Variants in MNS1 observed in about 807,000 individuals in gnomAD.
MNS1 encodes meiosis specific nuclear structural 1.
Under a neutral mutation model 72.0 loss-of-function variants are expected in MNS1, and 63 were observed. The ratio of observed to expected loss-of-function variants is 0.87; its 90% CI spans 0.71 to 1.08. The LOEUF is 1.08. MNS1 is among the 50% of genes least tolerant of loss of function. The pLI, the probability that MNS1 is intolerant of heterozygous loss-of-function variation, is 0.00. For synonymous variants in MNS1, 188 were observed against 172.1 expected (o/e 1.09, Z -0.72); for missense variants, 604 against 562.4 (o/e 1.07, Z -0.75).
intron 7 of MNS1, 67 bp downstream of exon 7, chr15:56,443,362 CT>C (rs2050851287): frequency 8.4e-7 from 1 of 1,189,554 alleles, no homozygotes; most frequent in African/African-American, 1.5e-5. Context: ...TGTACTATCT[CT>C]TTTCTGCTTC....
chr15:56,443,687 A>C lies in MNS1; in HGVS notation c.854T>G (p.Met285Arg), dbSNP rs748769747. 1 of 1,613,378 alleles carries C rather than the reference A, an allele frequency of 6.2e-7. No homozygotes were observed. The highest frequency in any genetic ancestry group is 1.1e-5 in the South Asian group (1 of 90,960). ...CTCCTCATTTTCTTGAACTTTTGCCATCCGATCTTCTTCTCTTTGCTGCTG... is the reference window on the plus strand; with the variant it reads ...CTCCTCATTTTCTTGAACTTTTGCCCTCCGATCTTCTTCTCTTTGCTGCTG... The part of the protein sequence containing the change: ...NMQQQREEDR[M>R]AKVQENEEKR... Residue 285 changes from methionine (M) to arginine (R), a missense_variant, in exon 6 of 10, where the codon ATG becomes AGG. By Grantham distance (91) the Met-to-Arg change is moderately conservative. Transcript: ENST00000260453.
At chr15:56,458,965 G>C (rs1388514485) in intron 2 of MNS1, among the ~76,000 whole-genome samples, 2 of 152,164 alleles carry the variant, frequency 1.3e-5, no homozygotes, top group Non-Finnish European at 2.9e-5. Flanking sequence ...TTTTATAAAT[G>C]CTATAGATAT....
chr15:56,463,180 C>A (rs566625746), intron 2 of MNS1, among the ~76,000 whole-genome samples: 1 of 152,202 alleles, frequency 6.6e-6, no homozygotes, highest in Admixed American at 6.5e-5. Context: ...CCACCTTAAT[C>A]CCTTAAAATG....
At chr15:56,439,795 A>G (rs2050788543) in intron 7 of MNS1, among the ~76,000 whole-genome samples, 1 of 151,532 alleles carries the variant, frequency 6.6e-6, no homozygotes, top group Admixed American at 6.6e-5. Flanking sequence ...CACACACACA[A>G]ACCTTTAGGA....
At chr15:56,440,885 T>G (rs1337187900) in intron 7 of MNS1, among the ~76,000 whole-genome samples, 2 of 152,142 alleles carry the variant, frequency 1.3e-5, no homozygotes, top group African/African-American at 4.8e-5. Context: ...CATTAGACAT[T>G]TGGGTTATTT....
chr15:56,434,460 G>C, intron 7 of MNS1, 65 bp from the exon 8 acceptor site: 1 of 1,478,704 alleles, frequency 6.8e-7, no homozygotes, highest in Non-Finnish European at 9.1e-7. Context: ...TAAGGAAAGA[G>C]TGATAGAGTT....
intron 7 of MNS1, among the ~76,000 whole-genome samples, chr15:56,441,208 C>G (rs2050808995): frequency 6.6e-6 from 1 of 151,658 alleles, no homozygotes. Flanking sequence ...GGTATATTTT[C>G]ATTACTGATT....
chr15:56,432,781 T>A (rs1178262047), intron 8 of MNS1, among the ~76,000 whole-genome samples: 1 of 152,168 alleles, frequency 6.6e-6, no homozygotes, highest in Non-Finnish European at 1.5e-5. Context: ...CAATCTGAAA[T>A]ATAACAGCAC....
At chr15:56,462,540 G>T (rs1244637366) in intron 2 of MNS1, among the ~76,000 whole-genome samples, 1 of 152,154 alleles carries the variant, frequency 6.6e-6, no homozygotes, top group Non-Finnish European at 1.5e-5. Context: ...GGAACATGAG[G>T]AAGCAAACAC....
chr15:56,437,986 A>C (rs1286000572), intron 7 of MNS1, among the ~76,000 whole-genome samples: 2 of 152,226 alleles, frequency 1.3e-5, no homozygotes, highest in South Asian at 2.1e-4. Context: ...AAATGGAAGA[A>C]CATTCCATGC....
chr15:56,435,170 A>T (rs2050699688), intron 7 of MNS1, among the ~76,000 whole-genome samples: 1 of 152,090 alleles, frequency 6.6e-6, no homozygotes, highest in Non-Finnish European at 1.5e-5. Flanking sequence ...TATAGCACTA[A>T]ATGGATACAT....
rs370209334 is a variant in MNS1, at chr15:56,449,718, C to T, written c.354-2775G>A. On this transcript the variant is annotated intron_variant, in intron 3 of 9. Transcript: ENST00000260453. ...TTTATTTGTGGACAAGGTTAAATTA[C>T]AGATGCAATATCTTTAAAAGTTATA... Among the ~76,000 whole-genome samples the T allele has an allele frequency of 6.6e-5, 10 of 152,188 alleles. No individual in the cohort carries two copies. In the East Asian group the frequency reaches 1.9e-3, roughly 29 times the overall value.
At chr15:56,434,084 G>A (rs2050672596) in intron 8 of MNS1, 54 bp downstream of exon 8, 35 of 1,540,562 alleles carry the variant, frequency 2.3e-5, no homozygotes, top group Non-Finnish European at 2.9e-5. Flanking sequence ...GATGATAGAT[G>A]AGCTATTGCT....
intron 4 of MNS1, among the ~76,000 whole-genome samples, chr15:56,446,372 C>G (rs1434733229): frequency 1.3e-5 from 2 of 151,884 alleles, no homozygotes; most frequent in African/African-American, 4.8e-5. Context: ...TTATCTTCAA[C>G]TTGGTACCAT....
intron 7 of MNS1, among the ~76,000 whole-genome samples, chr15:56,443,078 T>C (rs2140355769): frequency 6.6e-6 from 1 of 152,302 alleles, no homozygotes; most frequent in Admixed American, 6.5e-5. Context: ...TTGCTTGTCC[T>C]GAAGTTGACT....
intron 9 of MNS1, chr15:56,429,409 C>T: frequency 2.4e-6 from 1 of 421,720 alleles, no homozygotes; most frequent in Non-Finnish European, 4.1e-6. Flanking sequence ...TCTGATTTAT[C>T]AGCTCTAGTG....
chr15:56,430,606 T>C (rs1418420075), intron 9 of MNS1, among the ~76,000 whole-genome samples: 2 of 152,262 alleles, frequency 1.3e-5, no homozygotes, highest in African/African-American at 4.8e-5. Flanking sequence ...TATAACTTCC[T>C]ACTGTAGAGC....
chr15:56,452,718 C>T (rs1397222567), intron 3 of MNS1, among the ~76,000 whole-genome samples: 1 of 151,972 alleles, frequency 6.6e-6, no homozygotes, highest in Admixed American at 6.6e-5. Context: ...CGCGGTTTCA[C>T]CGTGTTAGCC....
At chr15:56,444,782 AT>A in intron 4 of MNS1, 109 bp from the exon 5 acceptor site, 2 of 1,010,738 alleles carry the variant, frequency 2.0e-6, no homozygotes, top group South Asian at 3.3e-5. Flanking sequence ...CATAAAATAA[AT>A]TTTTTCATCT....
Sources: allele counts gnomAD v4.1 joint callset (sites outside exome capture counted in the v4.1 genomes callset), GRCh38; gene constraint gnomAD v4.1.1; transcripts MANE v1.5; gene names NCBI Gene and HGNC (gene_info 2026-07-23, HGNC 2026-07-21).